Variants in EPB41 observed in about 807,000 individuals in gnomAD.
EPB41 encodes protein 4.1.
In EPB41, 65 loss-of-function variants were observed where a neutral mutation model predicts 108.0. That is an observed-to-expected ratio of 0.60 (90% CI 0.49 to 0.74). The LOEUF is 0.74. EPB41 is among the 30% of genes least tolerant of loss of function. The pLI is 0.00. For missense variants in EPB41, 875 were observed against 1,037.0 expected, an observed-to-expected ratio of 0.84 and a Z score of 2.15; for synonymous variants, 336 against 358.9, an observed-to-expected ratio of 0.94 and a Z score of 0.72.
At chr1:29,036,244 T>C (rs2150369248) in intron 10 of EPB41, among the ~76,000 whole-genome samples, 1 of 147,378 alleles carries the variant, frequency 6.8e-6, no homozygotes. Context: ...CTCACTTACC[T>C]CCACGTGTGA....
chr1:29,015,641 A>T (rs1245048699), intron 5 of EPB41, 51 bp from the exon 6 acceptor site: 3 of 1,113,512 alleles, frequency 2.7e-6, no homozygotes, highest in Non-Finnish European at 4.1e-6. Flanking sequence ...TACTTCCAAC[A>T]ATTAGAAACT....
chr1:29,049,294 G>A (rs1444591033), intron 11 of EPB41, among the ~76,000 whole-genome samples: 1 of 152,100 alleles, frequency 6.6e-6, no homozygotes, highest in African/African-American at 2.4e-5. Context: ...TAGCAACTTA[G>A]TCAATAAGAG....
rs964470388 is a variant in EPB41, at chr1:29,119,546, G to C, written c.*2734G>C. 6.6e-6 allele frequency: 1 copy of C among 152,256 alleles called. No individual in the cohort carries two copies. The highest frequency in any genetic ancestry group is 2.4e-5 in the African/African-American group (1 of 41,438). 9.4% of individuals were successfully genotyped at this position (152,256 alleles called of 1,614,324 possible). ...TATTTATAAGCCGAGGGCTCAGGGA[G>C]CCTAACTGCGGGACCCGTCAGGGCC... On this transcript the variant is annotated 3_prime_UTR_variant, in exon 21 of 21. Transcript: ENST00000343067.
At chr1:29,033,318 CTTA>C in intron 9 of EPB41, 73 bp downstream of exon 9, 1 of 1,556,796 alleles carries the variant, frequency 6.4e-7, no homozygotes, top group East Asian at 2.2e-5. Flanking sequence ...TTCCATTTTC[CTTA>C]TTAAGTCATC....
chr1:28,910,257 C>T (rs2092165536), upstream of EPB41, among the ~76,000 whole-genome samples: 2 of 152,174 alleles, frequency 1.3e-5, no homozygotes, highest in Non-Finnish European at 2.9e-5. Context: ...ATCCCCATCC[C>T]ACTGTATGAA....
chr1:29,066,052 A>G (rs1209017772), intron 16 of EPB41: 5 of 151,988 alleles, frequency 3.3e-5, no homozygotes, highest in Admixed American at 2.6e-4. Context: ...GTTTTGTAAG[A>G]TAGTCACAAT....
chr1:29,053,461 G>T (rs1280608195), intron 12 of EPB41, 149 bp downstream of exon 12: 2 of 887,554 alleles, frequency 2.3e-6, no homozygotes, highest in African/African-American at 1.7e-5. Context: ...TGTCTCCCAT[G>T]AACCTATAAA....
intron 1 of EPB41, among the ~76,000 whole-genome samples, chr1:28,940,756 T>C (rs2094249085): frequency 6.6e-6 from 1 of 152,192 alleles, no homozygotes; most frequent in Non-Finnish European, 1.5e-5. Flanking sequence ...ATCCTAGTCC[T>C]AAGTAGGGAA....
intron 1 of EPB41, among the ~76,000 whole-genome samples, chr1:28,967,710 A>C (rs2095394825): frequency 6.6e-6 from 1 of 151,452 alleles, no homozygotes; most frequent in African/African-American, 2.4e-5. Flanking sequence ...GGCTTAAATG[A>C]TCCTCCCACC....
intron 9 of EPB41, 109 bp downstream of exon 9, chr1:29,033,354 C>A (rs1244045148): frequency 7.7e-7 from 1 of 1,290,726 alleles, no homozygotes; most frequent in African/African-American, 1.5e-5. Flanking sequence ...CTATAGTTAA[C>A]TATTGAAGGG....
chr1:29,051,750 T>C (rs1408757225), intron 11 of EPB41, among the ~76,000 whole-genome samples: 2 of 151,928 alleles, frequency 1.3e-5, no homozygotes, highest in Non-Finnish European at 2.9e-5. Context: ...TACAAAAAAT[T>C]AGCCAGGCAT....
At chr1:29,014,318 A>C (rs556047958) in intron 5 of EPB41, among the ~76,000 whole-genome samples, 7 of 152,140 alleles carry the variant, frequency 4.6e-5, no homozygotes, top group Non-Finnish European at 8.8e-5. Flanking sequence ...ACTTCGTCTG[A>C]AAAAAATAAA....
At chr1:29,109,226 G>A (rs536733899) in intron 17 of EPB41, 110 bp from the exon 18 acceptor site, 156 of 837,912 alleles carry the variant, frequency 1.9e-4, no homozygotes, top group Middle Eastern at 1.0e-3. Flanking sequence ...TCATTCTAAG[G>A]GAATGAGATT....
intron 1 of EPB41, 29 bp from the exon 2 acceptor site, chr1:28,987,402 G>GC (rs2095893498): frequency 6.2e-7 from 1 of 1,600,684 alleles, no homozygotes; most frequent in East Asian, 2.2e-5. Flanking sequence ...GCTTATAAGA[G>GC]CCCCCCTTTT....
chr1:29,108,225 C>T (rs150415106), intron 17 of EPB41, among the ~76,000 whole-genome samples: 49 of 150,442 alleles, frequency 3.3e-4, no homozygotes, highest in African/African-American at 1.1e-3. Flanking sequence ...CTCAGCTCTC[C>T]ACAACCTCTG....
intron 5 of EPB41, among the ~76,000 whole-genome samples, chr1:29,013,392 CAAG>C (rs1314898225): frequency 6.6e-6 from 1 of 151,376 alleles, no homozygotes; most frequent in African/African-American, 2.4e-5. Flanking sequence ...CAAAACAAAA[CAAG>C]AAAAACACCA....
chr1:29,067,664 TAAAAAAA>T (rs11398608), intron 16 of EPB41, among the ~76,000 whole-genome samples: 2 of 134,438 alleles, frequency 1.5e-5, no homozygotes, highest in Non-Finnish European at 3.1e-5. Context: ...GACTCCGTCT[TAAAAAAA>T]AAAAAAAAAA....
At chr1:28,949,513 G>A (rs761104471) in intron 1 of EPB41, among the ~76,000 whole-genome samples, 58 of 151,924 alleles carry the variant, frequency 3.8e-4, no homozygotes, top group Admixed American at 7.9e-4. Flanking sequence ...AAAATATATT[G>A]TTTAGTTTTG....
intron 11 of EPB41, among the ~76,000 whole-genome samples, chr1:29,040,978 A>G (rs1294846694): frequency 6.6e-6 from 1 of 151,956 alleles, no homozygotes; most frequent in Admixed American, 6.6e-5. Flanking sequence ...TCTAGTAAAA[A>G]TACAAAAATC....
Sources: gnomAD v4.1 joint callset for allele counts (sites outside exome capture counted in the v4.1 genomes callset) on GRCh38, gnomAD v4.1.1 for gene constraint, MANE v1.5 for transcripts, NCBI Gene and HGNC (gene_info 2026-07-23, HGNC 2026-07-21) for gene names.